Variants in NAA25 observed in about 807,000 individuals in gnomAD.
The protein encoded by NAA25 is N-alpha-acetyltransferase 25, NatB auxiliary subunit.
In NAA25, 30 loss-of-function variants were observed where a neutral mutation model predicts 132.5. That is an observed-to-expected ratio of 0.23 (90% CI 0.17 to 0.31). The LOEUF (loss-of-function observed/expected upper bound fraction) is 0.31. Among genes scored for constraint, NAA25 ranks in the 10% least tolerant of loss-of-function variants. The pLI is 1.00. For missense variants in NAA25, 771 were observed against 1,150.4 expected, an observed-to-expected ratio of 0.67 and a Z score of 4.77; for synonymous variants, 359 against 401.9, an observed-to-expected ratio of 0.89 and a Z score of 1.28.
intron 7 of NAA25, among the ~76,000 whole-genome samples, chr12:112,077,430 A>G (rs2078909619): frequency 6.6e-6 from 1 of 151,060 alleles, no homozygotes; most frequent in African/African-American, 2.4e-5. Flanking sequence ...CCGAGATCGC[A>G]CCACTGCACT....
At chr12:112,106,037 G>A (rs1257411955) in intron 1 of NAA25, among the ~76,000 whole-genome samples, 1 of 152,172 alleles carries the variant, frequency 6.6e-6, no homozygotes. Flanking sequence ...CAACAAAAGT[G>A]TGGAGTTCAA....
At chr12:112,058,553 T>A (rs921892711) in intron 13 of NAA25, among the ~76,000 whole-genome samples, 1 of 152,192 alleles carries the variant, frequency 6.6e-6, no homozygotes, top group African/African-American at 2.4e-5. Context: ...TGGAGTGTAA[T>A]GGTGTGATCA....
chr12:112,035,110 A>T (rs375824268), intron 22 of NAA25: 1 of 152,196 alleles, frequency 6.6e-6, no homozygotes, highest in African/African-American at 2.4e-5. Flanking sequence ...CCCAGTGGTT[A>T]TTACTGACTG....
rs773254895 is a variant in NAA25 at position 112,054,376 on chromosome 12, T to C, written c.1628+12A>G. The C allele has an allele frequency of 1.2e-6, 2 of 1,612,626 alleles. No individual in the cohort carries two copies. Among genetic ancestry groups the C allele is most frequent in the Middle Eastern group, 3.3e-4 (2 of 6,012 alleles). ...AGCTGGCTGCTCATTATTCAGAGTA[T>C]ATACTACCAACCCAATGGTATCATG... On this transcript the variant is annotated intron_variant, in intron 14 of 23. Coordinates refer to ENST00000261745, the MANE Select transcript of NAA25 (RefSeq NM_024953.4).
chr12:112,094,773 C>A (rs1280969293), intron 1 of NAA25, among the ~76,000 whole-genome samples: 1 of 152,152 alleles, frequency 6.6e-6, no homozygotes, highest in Admixed American at 6.6e-5. Flanking sequence ...AATTCTCCTG[C>A]CTCAGCCTCC....
At position 112,108,781 on chromosome 12, in the gene NAA25, A is replaced by G; in HGVS notation, c.-8T>C. 1 of 1,513,518 alleles carries G rather than the reference A, an allele frequency of 6.6e-7. No individual in the cohort carries two copies. Among genetic ancestry groups the G allele is most frequent in the Non-Finnish European group, 8.9e-7 (1 of 1,126,548 alleles). 93.8% of individuals were successfully genotyped at this position (1,513,518 alleles called of 1,614,324 possible). ...ATGGCCCCGCGTCGCCATGATGACA[A>G]GCGCAGAACCACAGTGCGCACGCGC... On this transcript the variant is annotated 5_prime_UTR_variant, in exon 1 of 24. Transcript: ENST00000261745.
At chr12:112,057,204 A>T in intron 13 of NAA25, among the ~76,000 whole-genome samples, 1 of 152,272 alleles carries the variant, frequency 6.6e-6, no homozygotes, top group East Asian at 1.9e-4. Flanking sequence ...GTAAAATAAG[A>T]TAAAATAAAA....
At chr12:112,045,642 A>C (rs1248048163) in intron 17 of NAA25, among the ~76,000 whole-genome samples, 2 of 151,970 alleles carry the variant, frequency 1.3e-5, no homozygotes, top group Non-Finnish European at 2.9e-5. Flanking sequence ...TAAAAATACA[A>C]AAATTAGCCG....
intron 13 of NAA25, among the ~76,000 whole-genome samples, chr12:112,059,761 T>A (rs377162845): frequency 9.2e-5 from 14 of 152,214 alleles, no homozygotes; most frequent in African/African-American, 3.1e-4. Context: ...AGAACAGATA[T>A]CCATTCATTT....
chr12:112,067,398 G>C (rs2078735761), intron 11 of NAA25, among the ~76,000 whole-genome samples: 1 of 152,146 alleles, frequency 6.6e-6, no homozygotes, highest in Non-Finnish European at 1.5e-5. Flanking sequence ...CTCAACAGTA[G>C]GGAACACTTG....
intron 5 of NAA25, among the ~76,000 whole-genome samples, chr12:112,080,159 T>C (rs1285933976): frequency 1.3e-5 from 2 of 151,194 alleles, no homozygotes; most frequent in African/African-American, 2.4e-5. Flanking sequence ...CAGATGCTTG[T>C]AGTCCCAGCT....
rs1188434277 is a variant in NAA25, at chr12:112,029,643, T to C, written c.2807A>G (p.Lys936Arg). 2.5e-6 allele frequency: 4 copies of C among 1,613,136 alleles called. No individual in the cohort carries two copies. The highest frequency in any genetic ancestry group is 1.6e-4 in the Middle Eastern group (1 of 6,084). The change falls in exon 24 of 24, where the codon AAA (lysine) becomes AGA (arginine). Residue 936 changes from lysine (K) to arginine (R), a missense_variant. This residue lies in a region of NAA25 where 324 missense variants were observed against 400.0 expected (regional missense o/e 0.81). Coordinates refer to ENST00000261745, the MANE Select transcript of NAA25 (RefSeq NM_024953.4). ...EDTSLSPEER[K>R]FSKTVQGKVQ... ...CTTCCCTTGCACAGTCTTTGAAAAT[T>C]TTCTCTCTTCCTATAAAGGAGGAGA...
chr12:112,083,596 A>G (rs1028442269), intron 4 of NAA25, among the ~76,000 whole-genome samples: 2 of 152,200 alleles, frequency 1.3e-5, no homozygotes, highest in Non-Finnish European at 2.9e-5. Context: ...CATACAGGAT[A>G]GGAGAGTCTA....
rs148293333 is a variant in NAA25 at position 112,084,137 on chromosome 12, C to T, written c.403-3003G>A. Among the ~76,000 whole-genome samples, 401 of 152,222 alleles carry T rather than the reference C, an allele frequency of 2.6e-3. 6 individuals are homozygous for T. Among genetic ancestry groups the T allele is most frequent in the African/African-American group, 9.4e-3 (391 of 41,542 alleles). ...TGACTCAGAATGAGAATGTCATTTA[C>T]AGGAAAAGAAAAGCCTTATCACCAT... is the stretch of plus-strand genomic sequence containing the variant. On this transcript the variant is annotated intron_variant, in intron 4 of 23. Transcript: ENST00000261745.
chr12:112,042,972 A>G (rs926474165), intron 19 of NAA25, 116 bp downstream of exon 19: 80 of 987,352 alleles, frequency 8.1e-5, no homozygotes, highest in Non-Finnish European at 1.1e-4. Flanking sequence ...CATTTGCAGA[A>G]CAGCTTCCAG....
chr12:112,060,762 T>G (rs2078615931), intron 12 of NAA25, among the ~76,000 whole-genome samples: 1 of 152,246 alleles, frequency 6.6e-6, no homozygotes, highest in Admixed American at 6.5e-5. Context: ...TATATGTCTA[T>G]CACATATATC....
rs796241170 is a variant in NAA25 at position 112,086,102 on chromosome 12, A to ACACACACACACACACACACACACACC, written c.402+1580_402+1581insGGTGTGTGTGTGTGTGTGTGTGTGTG. Among the ~76,000 whole-genome samples the ACACACACACACACACACACACACACC allele has an allele frequency of 1.3e-4, 16 of 120,796 alleles. No homozygotes were observed. The East Asian group carries it at 1.8e-3, about 14-fold the overall frequency. The allele number at this position is 120,796 out of a possible 152,430, so 79.2% of individuals were successfully genotyped here. A position where few individuals can be genotyped will look rare whatever the true frequency, so the allele number is the denominator to read the frequency against. On this transcript the variant is annotated intron_variant, in intron 4 of 23. Coordinates refer to ENST00000261745, the MANE Select transcript of NAA25 (RefSeq NM_024953.4). The stretch of plus-strand genomic sequence containing the variant: ...CACACACACACACACACACACACAC[A>ACACACACACACACACACACACACACC]CCCATAACCATTTTACATTTTTAAA...
At chr12:112,044,838 G>A (rs1182996698) in intron 17 of NAA25, among the ~76,000 whole-genome samples, 1 of 149,708 alleles carries the variant, frequency 6.7e-6, no homozygotes, top group Non-Finnish European at 1.5e-5. Context: ...GCCAGGAGTT[G>A]GAGAACAGCC....
chr12:112,066,286 A>G (rs994109191), intron 11 of NAA25, among the ~76,000 whole-genome samples: 1 of 152,242 alleles, frequency 6.6e-6, no homozygotes, highest in African/African-American at 2.4e-5. Context: ...AAGCACTGTA[A>G]GACAAGATCA....
Sources: gnomAD v4.1 joint callset for allele counts (sites outside exome capture counted in the v4.1 genomes callset) on GRCh38, gnomAD v4.1.1 for gene constraint, gnomAD v4.1.1 regional missense constraint, MANE v1.5 for transcripts, NCBI Gene and HGNC (gene_info 2026-07-23, HGNC 2026-07-21) for gene names.